Variants in LTBP1 observed in about 807,000 individuals in gnomAD.
The protein encoded by LTBP1 is latent transforming growth factor beta binding protein 1, also known as latent-transforming growth factor beta-binding protein 1.
LTBP1 carries 129 observed loss-of-function variants against 207.6 expected under a neutral mutation model. The ratio of observed to expected loss-of-function variants is 0.62; its 90% CI spans 0.54 to 0.72. The LOEUF is 0.72. LTBP1 is among the 30% of genes least tolerant of loss of function. The probability of loss-of-function intolerance (pLI) is 0.00; values close to 1 mark genes in which losing one functional copy is unlikely to be tolerated. For missense variants in LTBP1, 2,281 were observed against 2,217.2 expected, an observed-to-expected ratio of 1.03 and a Z score of -0.58; for synonymous variants, 963 against 833.7, an observed-to-expected ratio of 1.16 and a Z score of -2.67.
chr2:33,305,021 A>G (rs1234343693), intron 22 of LTBP1, among the ~76,000 whole-genome samples: 1 of 152,206 alleles, frequency 6.6e-6, no homozygotes, highest in Non-Finnish European at 1.5e-5. Context: ...TAACGAAAAA[A>G]TACAATAAAT....
chr2:33,310,531 G>T (rs1448419984), intron 23 of LTBP1, among the ~76,000 whole-genome samples: 2 of 152,096 alleles, frequency 1.3e-5, no homozygotes, highest in East Asian at 3.9e-4. Context: ...TTCATTTTGT[G>T]CATGAGTAAC....
chr2:32,959,617 A>ATTTTT (rs1373102884), intron 2 of LTBP1, among the ~76,000 whole-genome samples: 12 of 38,542 alleles, frequency 3.1e-4, no homozygotes, highest in African/African-American at 8.9e-4. Flanking sequence ...ATATATATAT[A>ATTTTT]TATATTTTTT....
intron 3 of LTBP1, among the ~76,000 whole-genome samples, chr2:33,095,744 G>A (rs2079348478): frequency 6.6e-6 from 1 of 151,956 alleles, no homozygotes; most frequent in Non-Finnish European, 1.5e-5. Flanking sequence ...ATTTTTAATA[G>A]AAAAATAGAA....
At chr2:32,956,463 A>G (rs1678090924) in intron 2 of LTBP1, among the ~76,000 whole-genome samples, 1 of 152,204 alleles carries the variant, frequency 6.6e-6, no homozygotes, top group Non-Finnish European at 1.5e-5. Flanking sequence ...TTGCTCATTC[A>G]TAAGAAGCAG....
intron 7 of LTBP1, among the ~76,000 whole-genome samples, chr2:33,213,034 C>T (rs574434558): frequency 5.8e-4 from 88 of 152,234 alleles, no homozygotes; most frequent in African/African-American, 1.9e-3. Flanking sequence ...CTCACCGTTC[C>T]GCCTTTCCTC....
intron 2 of LTBP1, among the ~76,000 whole-genome samples, chr2:33,012,183 A>G (rs1687761666): frequency 6.6e-6 from 1 of 151,090 alleles, no homozygotes; most frequent in Non-Finnish European, 1.5e-5. Flanking sequence ...CTGGTGCAAA[A>G]TTGAGCATAG....
chr2:33,362,181 A>G (rs76896949), intron 28 of LTBP1, among the ~76,000 whole-genome samples: 12,532 of 152,238 alleles, frequency 0.082, 741 homozygotes, highest in Middle Eastern at 0.14. Flanking sequence ...TACCTTTTAT[A>G]TACAAAGTGA....
At chr2:32,996,879 C>CT (rs1460086450) in intron 2 of LTBP1, among the ~76,000 whole-genome samples, 3 of 151,980 alleles carry the variant, frequency 2.0e-5, no homozygotes, top group East Asian at 1.9e-4. Flanking sequence ...ATGGGTGGAA[C>CT]TTTTTTTTGT....
chr2:33,123,005 T>C (rs1314745282), intron 4 of LTBP1, among the ~76,000 whole-genome samples: 1 of 152,184 alleles, frequency 6.6e-6, no homozygotes, highest in Non-Finnish European at 1.5e-5. Context: ...CACCAAAGCT[T>C]GACTTCTAGA....
At chr2:33,039,080 G>T (rs1490327764) in intron 3 of LTBP1, among the ~76,000 whole-genome samples, 2 of 152,310 alleles carry the variant, frequency 1.3e-5, no homozygotes, top group Non-Finnish European at 2.9e-5. Flanking sequence ...GCAGTCTCTA[G>T]CTCTCACAAA....
At chr2:33,151,596 C>T (rs1166224192) in intron 5 of LTBP1, among the ~76,000 whole-genome samples, 1 of 152,108 alleles carries the variant, frequency 6.6e-6, no homozygotes, top group Non-Finnish European at 1.5e-5. Context: ...TATTTGTAGT[C>T]TTTCATCCCT....
At chr2:33,270,465 C>T (rs1414726005) in intron 15 of LTBP1, among the ~76,000 whole-genome samples, 3 of 151,558 alleles carry the variant, frequency 2.0e-5, no homozygotes, top group Admixed American at 6.6e-5. Flanking sequence ...TGGCGGGTGC[C>T]TGTAGTCCCA....
chr2:33,296,195 C>G (rs1004979432), intron 20 of LTBP1, among the ~76,000 whole-genome samples: 2 of 152,092 alleles, frequency 1.3e-5, no homozygotes, highest in Admixed American at 6.6e-5. Flanking sequence ...ATTTTCATAT[C>G]CTGCCATTTT....
In LTBP1 at chr2:33,361,416, C is replaced by G. The variant is rs764011477; in HGVS notation, c.4184-13C>G. 6.2e-6 allele frequency: 8 copies of G among 1,300,476 alleles called. No individual in the cohort carries two copies. Among genetic ancestry groups the G allele is most frequent in the Non-Finnish European group, 7.4e-6 (7 of 952,078 alleles). The allele number at this position is 1,300,476 out of a possible 1,614,324, so 80.6% of individuals were successfully genotyped here. ...TTGAATCTTTTTTTTTTTTTTGTCT[C>G]TTCTAAAATCAGCTGAGTTCACTGA... On this transcript the variant is annotated splice_polypyrimidine_tract_variant and intron_variant, in intron 27 of 33. Transcript: ENST00000404816.
At chr2:33,015,016 G>A (rs1216243168) in intron 2 of LTBP1, among the ~76,000 whole-genome samples, 2 of 151,022 alleles carry the variant, frequency 1.3e-5, no homozygotes, top group Non-Finnish European at 2.9e-5. Flanking sequence ...TTTAAGAGAT[G>A]GGGTCTTGCT....
intron 2 of LTBP1, among the ~76,000 whole-genome samples, chr2:32,984,439 G>A (rs1288091026): frequency 6.6e-6 from 1 of 152,184 alleles, no homozygotes; most frequent in African/African-American, 2.4e-5. Context: ...AAATAGGAGA[G>A]CAATCTCTCT....
chr2:33,138,777 A>G (rs1034113179), intron 5 of LTBP1, among the ~76,000 whole-genome samples: 25 of 152,150 alleles, frequency 1.6e-4, no homozygotes, highest in East Asian at 3.9e-4. Flanking sequence ...ATGTGAATCT[A>G]AAGACTCATG....
chr2:32,973,468 G>A (rs1420162900), intron 2 of LTBP1, among the ~76,000 whole-genome samples: 1 of 151,946 alleles, frequency 6.6e-6, no homozygotes, highest in Non-Finnish European at 1.5e-5. Flanking sequence ...TACACAGTAG[G>A]TATACATATT....
At chr2:33,287,046 C>T (rs926832279) in intron 19 of LTBP1, among the ~76,000 whole-genome samples, 30 of 152,090 alleles carry the variant, frequency 2.0e-4, no homozygotes, top group Admixed American at 4.6e-4. Flanking sequence ...CAAACCTGCA[C>T]GTTGTGCACA....
Sources: gnomAD v4.1 joint callset for allele counts (sites outside exome capture counted in the v4.1 genomes callset) on GRCh38, gnomAD v4.1.1 for gene constraint, MANE v1.5 for transcripts, NCBI Gene and HGNC (gene_info 2026-07-23, HGNC 2026-07-21) for gene names.